Variants in ANKRD36 observed in about 807,000 individuals in gnomAD.
ANKRD36 encodes the protein ankyrin repeat domain 36.
Under a neutral mutation model 278.1 loss-of-function variants are expected in ANKRD36, and 179 were observed. The ratio of observed to expected loss-of-function variants is 0.64; its 90% CI spans 0.57 to 0.73. The LOEUF (loss-of-function observed/expected upper bound fraction) is 0.73, where lower values mean the gene tolerates loss of function less well. Among genes scored for constraint, ANKRD36 ranks in the 30% least tolerant of loss-of-function variants. The pLI is 0.00. For missense variants in ANKRD36, 1,159 were observed against 1,956.7 expected, an observed-to-expected ratio of 0.59 and a Z score of 7.69; for synonymous variants, 320 against 641.1, an observed-to-expected ratio of 0.50 and a Z score of 7.57.
At chr2:97,125,604 T>G (rs1031542229) in intron 5 of ANKRD36, among the ~76,000 whole-genome samples, 5 of 151,290 alleles carry the variant, frequency 3.3e-5, no homozygotes, top group African/African-American at 1.2e-4. Context: ...CCTGAGACTT[T>G]TTATATAAAC....
At chr2:97,153,381 T>G (rs1164672871) in intron 14 of ANKRD36, among the ~76,000 whole-genome samples, 1 of 152,108 alleles carries the variant, frequency 6.6e-6, no homozygotes, top group Non-Finnish European at 1.5e-5. Flanking sequence ...ATAGTTTTCA[T>G]TTAAGACAGC....
intron 22 of ANKRD36, among the ~76,000 whole-genome samples, chr2:97,175,193 A>G (rs900375969): frequency 2.0e-5 from 3 of 149,604 alleles, no homozygotes; most frequent in African/African-American, 7.3e-5. Context: ...ATAGTTTCAG[A>G]AGGAATGGTA....
At position 97,228,792 on chromosome 2, in the gene ANKRD36, C is replaced by G. The variant is rs574878552; in HGVS notation, c.3951+3913C>G. Among the ~76,000 whole-genome samples, 473 of 151,738 alleles carry G rather than the reference C, an allele frequency of 3.1e-3. 2 individuals carry two copies. The highest frequency in any genetic ancestry group is 0.01 in the African/African-American group (431 of 41,318). On this transcript the variant is annotated intron_variant, in intron 67 of 75. Coordinates refer to ENST00000420699, the MANE Select transcript of ANKRD36 (RefSeq NM_001354587.1). ...GGCATTTAGTGCTATAAATTTCCCTCTACACACTGCTTTGAATGTGTCCCA... is the reference window on the plus strand; with the variant it reads ...GGCATTTAGTGCTATAAATTTCCCTGTACACACTGCTTTGAATGTGTCCCA...
At chr2:97,211,468 A>G in intron 56 of ANKRD36, 78 bp from the exon 57 acceptor site, 1 of 1,564,702 alleles carries the variant, frequency 6.4e-7, no homozygotes, top group South Asian at 1.1e-5. Flanking sequence ...ACAGAGTTTG[A>G]TGCTAACACT....
At chr2:97,129,226 G>A (rs1574633702) in intron 6 of ANKRD36, among the ~76,000 whole-genome samples, 1 of 152,206 alleles carries the variant, frequency 6.6e-6, no homozygotes. Context: ...ATGGCCAGTG[G>A]TGATGAGCAT....
At chr2:97,213,505 T>C (rs1199084714) in intron 59 of ANKRD36, 37 bp from the exon 60 acceptor site, 1 of 561,854 alleles carries the variant, frequency 1.8e-6, no homozygotes, top group African/African-American at 2.7e-5. Context: ...TGAAACATAG[T>C]TTATGTATTG....
Position 97,189,228 on chromosome 2 carries a change from A to G in ANKRD36, c.2183A>G (p.Asp728Gly). ...QKQPALKATT[D>G]EEDSVSNIAT... ...TCAAATTCCATTAAGGCTACAACTG[A>G]CGAGGAAGATTCTGTTTCGAATATA... Residue 728 changes from aspartate (D) to glycine (G), a missense_variant, in exon 34 of 76, where the codon GAC becomes GGC. Transcript: ENST00000420699. The G allele has an allele frequency of 1.3e-6, 1 of 757,850 alleles. No individual in the cohort carries two copies. Among genetic ancestry groups the G allele is most frequent in the South Asian group, 1.3e-5 (1 of 78,410 alleles). 46.9% of individuals were successfully genotyped at this position (757,850 alleles called of 1,614,324 possible). A position where few individuals can be genotyped will look rare whatever the true frequency, so the allele number is the denominator to read the frequency against.
intron 50 of ANKRD36, among the ~76,000 whole-genome samples, chr2:97,205,314 A>T (rs1324345336): frequency 6.6e-6 from 1 of 151,572 alleles, no homozygotes; most frequent in Non-Finnish European, 1.5e-5. Flanking sequence ...GGAAGGCTAT[A>T]CTAGTGGATA....
chr2:97,222,277 C>T (rs1397067346), intron 66 of ANKRD36, among the ~76,000 whole-genome samples: 2 of 152,064 alleles, frequency 1.3e-5, no homozygotes, highest in African/African-American at 2.4e-5. Flanking sequence ...TTTTTGGTTC[C>T]ATATGAACTT....
intron 4 of ANKRD36, among the ~76,000 whole-genome samples, chr2:97,123,613 TTATA>T (rs59057238): frequency 1.5e-5 from 1 of 64,670 alleles, no homozygotes. Context: ...GTAAGTAACA[TTATA>T]TATATATATA....
At chr2:97,219,449 G>A (rs1185968042) in intron 66 of ANKRD36, among the ~76,000 whole-genome samples, 2 of 152,020 alleles carry the variant, frequency 1.3e-5, no homozygotes, top group Admixed American at 1.3e-4. Context: ...TAAAACATAA[G>A]GTTTTTTTGT....
intron 43 of ANKRD36, 45 bp downstream of exon 43, chr2:97,198,536 C>G (rs6760562): frequency 8.9e-6 from 14 of 1,564,514 alleles, no homozygotes; most frequent in South Asian, 1.2e-5. Flanking sequence ...AATGCATAGT[C>G]TATGAAACAT....
At chr2:97,169,610 C>T (rs2051790313) in intron 22 of ANKRD36, among the ~76,000 whole-genome samples, 1 of 152,236 alleles carries the variant, frequency 6.6e-6, no homozygotes, top group African/African-American at 2.4e-5. Flanking sequence ...AATCAGTGTG[C>T]AAAAATCACA....
chr2:97,124,317 C>G, intron 4 of ANKRD36, 143 bp from the exon 5 acceptor site: 1 of 1,166,974 alleles, frequency 8.6e-7, no homozygotes, highest in South Asian at 2.0e-5. Context: ...AAGATAAACC[C>G]TTGAGCACCC....
chr2:97,121,651 A>C (rs1342865491), intron 3 of ANKRD36, among the ~76,000 whole-genome samples: 1 of 152,076 alleles, frequency 6.6e-6, no homozygotes, highest in Non-Finnish European at 1.5e-5. Context: ...ATCCCAAATA[A>C]ATAAATAAAT....
intron 22 of ANKRD36, among the ~76,000 whole-genome samples, chr2:97,170,129 C>T (rs1220010660): frequency 6.6e-6 from 1 of 151,924 alleles, no homozygotes; most frequent in African/African-American, 2.4e-5. Flanking sequence ...CATACATCTA[C>T]AACCGTATGA....
chr2:97,169,461 A>C (rs913761958), intron 22 of ANKRD36, among the ~76,000 whole-genome samples: 243 of 152,264 alleles, frequency 1.6e-3, no homozygotes, highest in Non-Finnish European at 1.1e-3. Context: ...AGAGGAAAAA[A>C]TAAAGGGTAT....
rs1445689317 is a variant in ANKRD36 at position 97,151,899 on chromosome 2, C to T, written c.1122C>T (p.Ile374=). Residue 374 remains isoleucine, a synonymous_variant, in exon 13 of 76, where the codon ATC becomes ATT. Coordinates refer to ENST00000420699, the MANE Select transcript of ANKRD36 (RefSeq NM_001354587.1). ...LESEIISKLY[I]PKRKIISPRS... ...TCTAGATTATTTCAAAACTATACATCCCAAAGAGAAAGATTATTTCTCCAC... is the reference window on the plus strand; with the variant it reads ...TCTAGATTATTTCAAAACTATACATTCCAAAGAGAAAGATTATTTCTCCAC... 4 of 1,449,860 alleles carry T rather than the reference C, an allele frequency of 2.8e-6. No homozygotes were observed. Among genetic ancestry groups the T allele is most frequent in the Non-Finnish European group, 3.7e-6 (4 of 1,070,000 alleles). The allele number at this position is 1,449,860 out of a possible 1,614,324, so 89.8% of individuals were successfully genotyped here. A position where few individuals can be genotyped will look rare whatever the true frequency, so the allele number is the denominator to read the frequency against.
At chr2:97,114,976 C>T (rs1255965212) in intron 1 of ANKRD36, among the ~76,000 whole-genome samples, 3 of 151,988 alleles carry the variant, frequency 2.0e-5, no homozygotes, top group Non-Finnish European at 2.9e-5. Context: ...CTGTTAATTT[C>T]CACAAGTTAT....
Sources: allele counts gnomAD v4.1 joint callset (sites outside exome capture counted in the v4.1 genomes callset), GRCh38; gene constraint gnomAD v4.1.1; transcripts MANE v1.5; gene names NCBI Gene and HGNC (gene_info 2026-07-23, HGNC 2026-07-21).